The following STAT5B variants were observed in gnomAD, a reference collection of about 807,000 sequenced individuals.
STAT5B encodes the protein signal transducer and activator of transcription 5B, also known as transcription factor STAT5B.
A neutral mutation model predicts 107.8 loss-of-function variants in STAT5B; 21 were observed. That is an observed-to-expected ratio of 0.19 (90% CI 0.14 to 0.28). The LOEUF is 0.28. Ranked by LOEUF, STAT5B falls within the 10% of genes least tolerant of loss-of-function variation. The probability of loss-of-function intolerance (pLI) is 1.00; values close to 1 mark genes in which losing one functional copy is unlikely to be tolerated. For missense variants in STAT5B, 565 were observed against 1,008.2 expected (o/e 0.56, Z 5.95); for synonymous variants, 325 against 401.7 (o/e 0.81, Z 2.28).
At chr17:42,216,942 G>C (rs926513904) in intron 11 of STAT5B, among the ~76,000 whole-genome samples, 1 of 152,062 alleles carries the variant, frequency 6.6e-6, no homozygotes, top group Non-Finnish European at 1.5e-5. Flanking sequence ...ACCTACCAAA[G>C]TGCTGGGATT....
At chr17:42,235,114 A>T (rs2144307083) in intron 1 of STAT5B, 1 of 152,290 alleles carries the variant, frequency 6.6e-6, no homozygotes, top group Admixed American at 6.5e-5. Flanking sequence ...GAAAACTTTT[A>T]TCTCCCCAGA....
chr17:42,283,579 A>C, the STAT5B span, among the ~76,000 whole-genome samples: 1 of 152,280 alleles, frequency 6.6e-6, no homozygotes, highest in Middle Eastern at 3.4e-3. Flanking sequence ...GACAGTCACT[A>C]TGCCTCAGGC....
chr17:42,224,337 T>C (rs2080255515), intron 4 of STAT5B, among the ~76,000 whole-genome samples: 1 of 151,830 alleles, frequency 6.6e-6, no homozygotes, highest in African/African-American at 2.4e-5. Flanking sequence ...AGAGACCACA[T>C]CTTCTATTTC....
chr17:42,224,635 T>C, intron 4 of STAT5B, 144 bp downstream of exon 4: 2 of 836,204 alleles, frequency 2.4e-6, no homozygotes, highest in Non-Finnish European at 2.0e-6. Context: ...AAGTCTCCTA[T>C]TTCTTTTGTG....
At chr17:42,225,216 G>A (rs2080263414) in intron 3 of STAT5B, among the ~76,000 whole-genome samples, 2 of 151,862 alleles carry the variant, frequency 1.3e-5, no homozygotes, top group Admixed American at 1.3e-4. Flanking sequence ...CACCACGCCT[G>A]GCTAATTTTT....
At chr17:42,281,793 G>A in the STAT5B span, among the ~76,000 whole-genome samples, 10 of 152,190 alleles carry the variant, frequency 6.6e-5, no homozygotes, top group Middle Eastern at 3.2e-3. Context: ...CCCCGACCCC[G>A]CCTCTTGGGA....
At chr17:42,231,864 A>C (rs2080320106) in intron 2 of STAT5B, 136 bp downstream of exon 2, 1 of 1,342,930 alleles carries the variant, frequency 7.4e-7, no homozygotes, top group South Asian at 1.3e-5. Flanking sequence ...AAAAAATTTT[A>C]AATACCTTTT....
In STAT5B at chr17:42,210,396, T is replaced by A. The variant is rs2080118704; in HGVS notation, c.1775+7A>T. ...CTGTCGGCGCCTTAAGAAATAATGATTCTCACCCATCATTCCAATGAGGCT... is the reference window on the plus strand; with the variant it reads ...CTGTCGGCGCCTTAAGAAATAATGAATCTCACCCATCATTCCAATGAGGCT... On this transcript the variant is annotated splice_region_variant and intron_variant, in intron 14 of 18. Transcript: ENST00000293328. 5.6e-6 allele frequency: 9 copies of A among 1,614,138 alleles called. No individual in the cohort carries two copies. Among genetic ancestry groups the A allele is most frequent in the Non-Finnish European group, 7.6e-6 (9 of 1,180,000 alleles).
intron 3 of STAT5B, among the ~76,000 whole-genome samples, chr17:42,225,105 A>G (rs752474232): frequency 1.3e-5 from 2 of 151,986 alleles, no homozygotes; most frequent in Non-Finnish European, 2.9e-5. Flanking sequence ...CCCAGGCTGG[A>G]GTGCAGTGGC....
intron 4 of STAT5B, 34 bp from the exon 5 acceptor site, chr17:42,223,590 C>CG (rs757667817): frequency 6.2e-7 from 1 of 1,609,990 alleles, no homozygotes; most frequent in South Asian, 1.1e-5. Context: ...CAAGGCAGTG[C>CG]GAATGGGAGG....
intron 5 of STAT5B, 86 bp from the exon 6 acceptor site, chr17:42,219,928 G>A (rs933583879): frequency 1.8e-5 from 28 of 1,597,600 alleles, no homozygotes; most frequent in East Asian, 1.1e-4. Context: ...GTTCTGGAGC[G>A]AGACCCTCCT....
intron 1 of STAT5B, among the ~76,000 whole-genome samples, chr17:42,262,940 ATATGTGTGTG>A (rs2080623068): frequency 2.4e-5 from 1 of 42,272 alleles, no homozygotes. Context: ...ATATGTATAT[ATATGTGTGTG>A]TGTGTGTGTG....
chr17:42,284,909 C>T, the STAT5B span, among the ~76,000 whole-genome samples: 1 of 152,170 alleles, frequency 6.6e-6, no homozygotes, highest in Non-Finnish European at 1.5e-5. Context: ...CCCTGACTGC[C>T]TTCAAGGTTA....
intron 12 of STAT5B, among the ~76,000 whole-genome samples, chr17:42,213,658 G>A (rs953611807): frequency 6.6e-6 from 1 of 151,748 alleles, no homozygotes; most frequent in Admixed American, 6.6e-5. Context: ...CTCCCGAGTA[G>A]CTGGGATCAT....
At chr17:42,210,558 C>T in intron 13 of STAT5B, 61 bp from the exon 14 acceptor site, 3 of 1,428,858 alleles carry the variant, frequency 2.1e-6, no homozygotes, top group Admixed American at 3.3e-5. Context: ...ATATTATACA[C>T]ATATTTAATT....
In STAT5B at chr17:42,224,783, T is replaced by C; in HGVS notation, c.371A>G (p.Asn124Ser). The C allele has an allele frequency of 6.2e-7, 1 of 1,613,846 alleles. No individual in the cohort carries two copies. The highest frequency in any genetic ancestry group is 8.5e-7 in the Non-Finnish European group (1 of 1,179,810). The change falls in exon 4 of 19, where the codon AAC becomes AGC. Residue 124 changes from asparagine to serine, a missense_variant. Asn to Ser is a conservative substitution (Grantham distance 46). Coordinates refer to ENST00000293328, the MANE Select transcript of STAT5B (RefSeq NM_012448.4). ...CCATCCCTATGGGACACTCACATTGTTGGCTTCTCGGACCAACCTCTGTTC... is the reference window on the plus strand; with the variant it reads ...CCATCCCTATGGGACACTCACATTGCTGGCTTCTCGGACCAACCTCTGTTC... ...YNEQRLVREA[N>S]NGSSPAGSLA...
At chr17:42,285,744 A>T in the STAT5B span, among the ~76,000 whole-genome samples, 1 of 152,112 alleles carries the variant, frequency 6.6e-6, no homozygotes, top group Non-Finnish European at 1.5e-5. Context: ...CCCAACTCTG[A>T]CACCCTTCCC....
intron 12 of STAT5B, among the ~76,000 whole-genome samples, chr17:42,212,628 C>A (rs1180972981): frequency 2.6e-5 from 4 of 152,188 alleles, no homozygotes; most frequent in Non-Finnish European, 4.4e-5. Flanking sequence ...GCCCTCGACT[C>A]CTTCTGCCAA....
At position 42,245,254 on chromosome 17, in the gene STAT5B, T is replaced by A. The variant is rs1282668445; in HGVS notation, c.-10-13117A>T. Among the ~76,000 whole-genome samples, 3 of 151,400 alleles carry A rather than the reference T, an allele frequency of 2.0e-5. No individual in the cohort carries two copies. In the East Asian group the frequency reaches 5.8e-4, roughly 29 times the overall value. On this transcript the variant is annotated intron_variant, in intron 1 of 18. Transcript: ENST00000293328. ...CACCATGCCCAGCTAATTTTTGTAG[T>A]TTTAGTAGAGACAGGGTTTCACCAT...
Sources: allele counts gnomAD v4.1 joint callset (sites outside exome capture counted in the v4.1 genomes callset), GRCh38; gene constraint gnomAD v4.1.1; transcripts MANE v1.5; gene names NCBI Gene and HGNC (gene_info 2026-07-23, HGNC 2026-07-21).